TAB2: variants seen among roughly 807,000 people sequenced by gnomAD.
TAB2 encodes TGF-beta activated kinase 1 (MAP3K7) binding protein 2, also known as TGF-beta-activated kinase 1 and MAP3K7-binding protein 2.
TAB2 carries 3 observed loss-of-function variants against 65.0 expected under a neutral mutation model. The observed-to-expected ratio is 0.05, with a 90% CI of 0.02 to 0.12. TAB2 has a LOEUF of 0.12. Among genes scored for constraint, TAB2 ranks in the 10% least tolerant of loss-of-function variants. TAB2 has a pLI of 1.00. For missense variants in TAB2, 623 were observed against 840.3 expected (o/e 0.74, Z 3.20); for synonymous variants, 298 against 285.1 (o/e 1.05, Z -0.46).
At chr6:149,252,835 A>G (rs1777888382) in intron 1 of TAB2, among the ~76,000 whole-genome samples, 1 of 152,166 alleles carries the variant, frequency 6.6e-6, no homozygotes, top group South Asian at 2.1e-4. Context: ...ATGAGAAAGG[A>G]TGGTGTGTCA....
chr6:149,256,474 A>G (rs2114662559), intron 1 of TAB2, among the ~76,000 whole-genome samples: 1 of 152,342 alleles, frequency 6.6e-6, no homozygotes, highest in African/African-American at 2.4e-5. Flanking sequence ...CTTAACACAA[A>G]TGTTCTCCCC....
At chr6:149,237,847 A>C (rs1257251760) in intron 1 of TAB2, among the ~76,000 whole-genome samples, 1 of 152,102 alleles carries the variant, frequency 6.6e-6, no homozygotes, top group Admixed American at 6.5e-5. Flanking sequence ...TGCCCCAAGC[A>C]CCACGCCACC....
At chr6:149,286,727 A>G (rs1010224101) in intron 1 of TAB2, among the ~76,000 whole-genome samples, 1 of 152,228 alleles carries the variant, frequency 6.6e-6, no homozygotes, top group Admixed American at 6.5e-5. Context: ...TGATTTCAAT[A>G]TACGTTGGCA....
At chr6:149,397,912 A>G in intron 4 of TAB2, 57 bp from the exon 5 acceptor site, 1 of 1,584,532 alleles carries the variant, frequency 6.3e-7, no homozygotes, top group Non-Finnish European at 8.6e-7. Context: ...TCCATTCTTT[A>G]TTAACTAATG....
At chr6:149,227,591 G>A (rs527296300) in intron 1 of TAB2, among the ~76,000 whole-genome samples, 2 of 152,294 alleles carry the variant, frequency 1.3e-5, no homozygotes, top group East Asian at 1.9e-4. Flanking sequence ...TGTCACTCGG[G>A]GGTGAGGCCG....
chr6:149,251,119 C>CCTTTTGCCGGGTGCCTCCTG (rs1777851789), intron 1 of TAB2, among the ~76,000 whole-genome samples: 1 of 152,170 alleles, frequency 6.6e-6, no homozygotes, highest in African/African-American at 2.4e-5. Flanking sequence ...TTAACGCTTT[C>CCTTTTGCCGGGTGCCTCCTG]CTTTTGCCGG....
chr6:149,232,269 C>T (rs972185842), intron 1 of TAB2, among the ~76,000 whole-genome samples: 1 of 152,102 alleles, frequency 6.6e-6, no homozygotes, highest in East Asian at 1.9e-4. Context: ...GCTCTGTCGC[C>T]CAAGCTGGAG....
chr6:149,273,879 G>T (rs1778407007), intron 1 of TAB2, among the ~76,000 whole-genome samples: 1 of 152,178 alleles, frequency 6.6e-6, no homozygotes, highest in Non-Finnish European at 1.5e-5. Context: ...TGTGAGATTT[G>T]AGTTTAAACT....
At chr6:149,309,061 T>G (rs1304060484) in intron 1 of TAB2, among the ~76,000 whole-genome samples, 3 of 152,176 alleles carry the variant, frequency 2.0e-5, no homozygotes, top group Non-Finnish European at 4.4e-5. Context: ...TCATCATATA[T>G]GTTCTAAGTT....
intron 1 of TAB2, among the ~76,000 whole-genome samples, chr6:149,290,283 A>C (rs768004013): frequency 1.3e-5 from 2 of 152,176 alleles, no homozygotes; most frequent in Non-Finnish European, 2.9e-5. Context: ...CTTTTGCAGG[A>C]ACCCATGGCT....
At chr6:149,403,289 C>CATATATATATATATAT (rs1343045796) in intron 6 of TAB2, among the ~76,000 whole-genome samples, 5 of 32,520 alleles carry the variant, frequency 1.5e-4, no homozygotes, top group African/African-American at 6.6e-4. Context: ...TATATACACA[C>CATATATATATATATAT]ACACACATAT....
intron 1 of TAB2, among the ~76,000 whole-genome samples, chr6:149,350,298 G>A (rs1351645320): frequency 1.3e-5 from 2 of 152,096 alleles, no homozygotes; most frequent in African/African-American, 4.8e-5. Flanking sequence ...AGGTAAATAG[G>A]ATTGACTGGG....
At chr6:149,301,597 C>G (rs911091015) in intron 1 of TAB2, among the ~76,000 whole-genome samples, 1 of 152,106 alleles carries the variant, frequency 6.6e-6, no homozygotes, top group Admixed American at 6.5e-5. Flanking sequence ...CAATGAATAC[C>G]AGTTCACATT....
intron 6 of TAB2, among the ~76,000 whole-genome samples, chr6:149,406,253 T>C (rs969937799): frequency 5.3e-5 from 8 of 152,230 alleles, no homozygotes; most frequent in Non-Finnish European, 1.0e-4. Flanking sequence ...GTGTTACTTC[T>C]TCCTTCATAA....
chr6:149,300,143 G>A (rs2114702472), intron 1 of TAB2, among the ~76,000 whole-genome samples: 1 of 152,212 alleles, frequency 6.6e-6, no homozygotes, highest in East Asian at 1.9e-4. Context: ...TATAGGACTA[G>A]GAAGATGGAA....
At chr6:149,389,293 G>C (rs921518960) in intron 3 of TAB2, among the ~76,000 whole-genome samples, 4 of 151,822 alleles carry the variant, frequency 2.6e-5, no homozygotes, top group Admixed American at 1.3e-4. Context: ...GTATTACCTT[G>C]AAACCATATT....
At chr6:149,243,069 C>T (rs1436433836) in intron 1 of TAB2, among the ~76,000 whole-genome samples, 2 of 152,352 alleles carry the variant, frequency 1.3e-5, no homozygotes. Flanking sequence ...CTCTTGGTCT[C>T]AGCCTCTGAA....
intron 1 of TAB2, chr6:149,218,889 A>G: frequency 2.4e-6 from 1 of 420,640 alleles, no homozygotes; most frequent in Non-Finnish European, 4.9e-6. Flanking sequence ...GTGAGTAAAG[A>G]AAGGAGACCT....
intron 1 of TAB2, among the ~76,000 whole-genome samples, chr6:149,297,520 A>G (rs1185699082): frequency 6.6e-6 from 1 of 152,148 alleles, no homozygotes; most frequent in Non-Finnish European, 1.5e-5. Context: ...ATACATATAT[A>G]TGCACACTTT....
Sources: allele counts gnomAD v4.1 joint callset (sites outside exome capture counted in the v4.1 genomes callset), GRCh38; gene constraint gnomAD v4.1.1; transcripts MANE v1.5; gene names NCBI Gene and HGNC (gene_info 2026-07-23, HGNC 2026-07-21).